The following TULP3 variants were observed in gnomAD, a reference collection of about 807,000 sequenced individuals.
TULP3 encodes the protein TUB like protein 3, also known as tubby-related protein 3.
In TULP3, 38 loss-of-function variants were observed where a neutral mutation model predicts 50.7. That is an observed-to-expected ratio of 0.75 (90% CI 0.58 to 0.98). The LOEUF is 0.98. Ranked by LOEUF, TULP3 falls within the 50% of genes least tolerant of loss-of-function variation. The probability of loss-of-function intolerance (pLI) is 0.00; values close to 1 mark genes in which losing one functional copy is unlikely to be tolerated. For missense variants in TULP3, 550 were observed against 568.0 expected, an observed-to-expected ratio of 0.97 and a Z score of 0.32; for synonymous variants, 183 against 196.6, an observed-to-expected ratio of 0.93 and a Z score of 0.58.
chr12:2,916,603 C>G (rs772150729), intron 2 of TULP3, among the ~76,000 whole-genome samples: 1 of 152,182 alleles, frequency 6.6e-6, no homozygotes, highest in Non-Finnish European at 1.5e-5. Flanking sequence ...CCCTGACTTA[C>G]TCTATCTTGG....
At chr12:2,926,511 C>T (rs1036804010) in intron 4 of TULP3, among the ~76,000 whole-genome samples, 6 of 152,178 alleles carry the variant, frequency 3.9e-5, no homozygotes, top group Non-Finnish European at 8.8e-5. Context: ...GTATTTTAGA[C>T]AGCAGAAGGA....
At chr12:2,937,543 C>T in intron 8 of TULP3, 88 bp from the exon 9 acceptor site, 1 of 949,970 alleles carries the variant, frequency 1.1e-6, no homozygotes, top group Non-Finnish European at 1.7e-6. Flanking sequence ...CAGCATCTTA[C>T]ATTCCCAAGA....
At chr12:2,921,271 C>G (rs542911488) in intron 3 of TULP3, among the ~76,000 whole-genome samples, 1 of 152,274 alleles carries the variant, frequency 6.6e-6, no homozygotes, top group East Asian at 1.9e-4. Flanking sequence ...TCCCGAGTAG[C>G]TGGGTTTACA....
intron 2 of TULP3, among the ~76,000 whole-genome samples, chr12:2,915,287 G>A (rs2098187979): frequency 6.6e-6 from 1 of 152,120 alleles, no homozygotes; most frequent in African/African-American, 2.4e-5. Context: ...ACTGCGCCCA[G>A]CCCAGAATGG....
At position 2,931,102 on chromosome 12, in the gene TULP3, C is replaced by T. The variant is rs1455491662; in HGVS notation, c.558C>T (p.Asp186=). 8.7e-6 allele frequency: 14 copies of T among 1,614,032 alleles called. No homozygotes were observed. The highest frequency in any genetic ancestry group is 2.2e-5 in the East Asian group (1 of 44,886). The change falls in exon 6 of 11, where the codon GAC becomes GAT. Residue 186 remains aspartate (D), a synonymous_variant. Transcript: ENST00000448120. ...CTGATAACCTCCTGGGAGACATAGA[C>T]GACCTGGAGGACTTTGTGTATAGTC... ...QPADNLLGDI[D]DLEDFVYSPA...
intron 2 of TULP3, among the ~76,000 whole-genome samples, chr12:2,915,740 T>G (rs951827156): frequency 1.1e-4 from 16 of 152,010 alleles, no homozygotes; most frequent in African/African-American, 3.6e-4. Context: ...GAGATGGGAT[T>G]TCACCATGTT....
chr12:2,919,049 C>T (rs553291327), intron 2 of TULP3, among the ~76,000 whole-genome samples: 13 of 152,164 alleles, frequency 8.5e-5, no homozygotes, highest in African/African-American at 2.4e-4. Flanking sequence ...TGCGCCATGA[C>T]GCAGGCCAAT....
intron 1 of TULP3, among the ~76,000 whole-genome samples, chr12:2,893,332 T>TTTTG (rs1393993464): frequency 6.6e-6 from 1 of 150,608 alleles, no homozygotes; most frequent in Admixed American, 6.6e-5. Flanking sequence ...AATGTGTTTT[T>TTTTG]TTTTTTTTTT....
At position 2,931,049 on chromosome 12, in the gene TULP3, TC is replaced by T. The variant is rs2098197716; in HGVS notation, c.507del (p.Gly170ValfsTer16). 1.2e-6 allele frequency: 2 copies of T among 1,613,968 alleles called. No homozygotes were observed. Among genetic ancestry groups the T allele is most frequent in the Non-Finnish European group, 1.7e-6 (2 of 1,180,016 alleles). On this transcript the variant is annotated frameshift_variant, in exon 6 of 11. Coordinates refer to ENST00000448120, the MANE Select transcript of TULP3 (RefSeq NM_003324.5). LOFTEE classifies it high-confidence loss of function. ...SSQNSTDTGT[S>X]GSATAAQPAD... ...GCTGTCCTTTCAGGATACAGGCACT[TC>T]CGGTTCTGCTACTGCCGCCCAACCA... is the stretch of plus-strand genomic sequence containing the variant.
chr12:2,904,132 T>G (rs2098180883), intron 1 of TULP3, among the ~76,000 whole-genome samples: 4 of 152,160 alleles, frequency 2.6e-5, no homozygotes, highest in African/African-American at 7.2e-5. Context: ...ATCAGGAAAT[T>G]AATATAGAAT....
At chr12:2,936,003 A>C (rs920044045) in intron 8 of TULP3, among the ~76,000 whole-genome samples, 5 of 151,756 alleles carry the variant, frequency 3.3e-5, no homozygotes, top group Non-Finnish European at 7.4e-5. Flanking sequence ...GTGGTGGCTC[A>C]CGCCTGTAAT....
chr12:2,913,146 TG>T (rs1384934626), intron 2 of TULP3, among the ~76,000 whole-genome samples: 1 of 151,890 alleles, frequency 6.6e-6, no homozygotes, highest in African/African-American at 2.4e-5. Flanking sequence ...GGGTGTGAAG[TG>T]GTATCTCATT....
chr12:2,907,475 C>CAAAAAAA (rs60356460), intron 1 of TULP3, among the ~76,000 whole-genome samples: 8 of 95,796 alleles, frequency 8.4e-5, no homozygotes, highest in Middle Eastern at 6.1e-3. Flanking sequence ...ACTCCGTCTC[C>CAAAAAAA]AAAAAAAAAA....
At chr12:2,891,681 G>C (rs1308717009) in intron 1 of TULP3, among the ~76,000 whole-genome samples, 1 of 152,018 alleles carries the variant, frequency 6.6e-6, no homozygotes, top group East Asian at 1.9e-4. Context: ...GAAATCATTG[G>C]TTAGAAACTT....
chr12:2,921,059 C>A, intron 3 of TULP3, 137 bp downstream of exon 3: 1 of 1,027,422 alleles, frequency 9.7e-7, no homozygotes, highest in East Asian at 2.5e-5. Context: ...TTTATAATCA[C>A]ATTTGGGGTC....
chr12:2,909,387 G>A, intron 1 of TULP3, 142 bp from the exon 2 acceptor site: 1 of 686,512 alleles, frequency 1.5e-6, no homozygotes, highest in Non-Finnish European at 2.4e-6. Flanking sequence ...TAGCCAGTGT[G>A]GGTAGCCTCT....
At position 2,930,260 on chromosome 12, in the gene TULP3, G is replaced by A. The variant is rs750552969; in HGVS notation, c.407G>A (p.Ser136Asn). ...CCTTTTCTGCTAGATATCTCTGAAAGTGTGAACTTCGATGAGGAGACTGAT... is the reference window on the plus strand; with the variant it reads ...CCTTTTCTGCTAGATATCTCTGAAAATGTGAACTTCGATGAGGAGACTGAT... ...ERLQKHDISE[S>N]VNFDEETDGI... The change falls in exon 5 of 11, where the codon AGT becomes AAT. Residue 136 changes from serine (S) to asparagine (N), a missense_variant. By Grantham distance (46) the Ser-to-Asn change is conservative. Transcript: ENST00000448120. 1.2e-6 allele frequency: 2 copies of A among 1,611,900 alleles called. No homozygotes were observed. The highest frequency in any genetic ancestry group is 1.1e-5 in the South Asian group (1 of 90,568).
At chr12:2,895,990 G>T (rs1334831825) in intron 1 of TULP3, among the ~76,000 whole-genome samples, 1 of 150,918 alleles carries the variant, frequency 6.6e-6, no homozygotes, top group African/African-American at 2.4e-5. Context: ...ACTCAGGCTG[G>T]AGTGCAATGG....
intron 1 of TULP3, among the ~76,000 whole-genome samples, chr12:2,903,864 A>C (rs1051450062): frequency 6.6e-6 from 1 of 151,346 alleles, no homozygotes; most frequent in Non-Finnish European, 1.5e-5. Context: ...GCTCACTGCA[A>C]CCTCCGCCTC....
Sources: gnomAD v4.1 joint callset for allele counts (sites outside exome capture counted in the v4.1 genomes callset) on GRCh38, gnomAD v4.1.1 for gene constraint, MANE v1.5 for transcripts, NCBI Gene and HGNC (gene_info 2026-07-23, HGNC 2026-07-21) for gene names.